Variants in CCDC30 observed in about 807,000 individuals in gnomAD.
CCDC30 encodes the protein coiled-coil domain-containing protein 30.
A neutral mutation model predicts 100.2 loss-of-function variants in CCDC30; 70 were observed. That is an observed-to-expected ratio of 0.70 (90% CI 0.58 to 0.85). The LOEUF (loss-of-function observed/expected upper bound fraction) is 0.85, where lower values mean the gene tolerates loss of function less well. Among genes scored for constraint, CCDC30 ranks in the 40% least tolerant of loss-of-function variants. The pLI is 0.00. For missense variants in CCDC30, 652 were observed against 771.2 expected (o/e 0.85, Z 1.83); for synonymous variants, 233 against 269.5 (o/e 0.86, Z 1.33).
At chr1:42,635,832 C>A (rs892618045) in intron 11 of CCDC30, among the ~76,000 whole-genome samples, 5 of 151,466 alleles carry the variant, frequency 3.3e-5, no homozygotes, top group African/African-American at 1.2e-4. Flanking sequence ...AATGGCAACT[C>A]TATGTTTAAC....
chr1:42,653,870 G>A (rs1648555545), exon 17 of CCDC30: 1 of 1,614,164 alleles, frequency 6.2e-7, no homozygotes, highest in East Asian at 2.2e-5. Context: ...AGAGACTGAA[G>A]AGATCAAGTC....
chr1:42,656,222 T>C (rs1388473168), downstream of CCDC30, among the ~76,000 whole-genome samples: 2 of 152,212 alleles, frequency 1.3e-5, no homozygotes, highest in Admixed American at 6.5e-5. Flanking sequence ...TCTTTGTGCA[T>C]GTAGTTCTTT....
At chr1:42,459,907 T>G, upstream of CCDC30, 2 of 1,607,908 alleles carry the variant, frequency 1.2e-6, no homozygotes, top group Non-Finnish European at 1.7e-6. Context: ...CACACAGCTT[T>G]TATAGGTGAC....
chr1:42,577,819 T>G (rs1304762923), intron 8 of CCDC30, among the ~76,000 whole-genome samples: 1 of 151,994 alleles, frequency 6.6e-6, no homozygotes, highest in African/African-American at 2.4e-5. Context: ...TTTTTGTATT[T>G]TTAGTAGAGA....
At position 42,566,492 on chromosome 1, in the gene CCDC30, A is replaced by C. The variant is rs1314183070; in HGVS notation, c.636+17A>C. 6.2e-7 allele frequency: 1 copy of C among 1,604,476 alleles called. No homozygotes were observed. The highest frequency in any genetic ancestry group is 2.2e-5 in the East Asian group (1 of 44,676). Reference sequence around the variant, plus strand: ...AACATTAAGGTAACTCTTGTGGGCAAATGCTTTATGGAAGGGTTTCAGTTG... The same window carrying C: ...AACATTAAGGTAACTCTTGTGGGCACATGCTTTATGGAAGGGTTTCAGTTG... On this transcript the variant is annotated intron_variant, in intron 7 of 16. Coordinates refer to ENST00000668663, the Ensembl canonical transcript of CCDC30.
chr1:42,507,496 T>G (rs921774267), intron 6 of CCDC30, among the ~76,000 whole-genome samples: 3 of 152,234 alleles, frequency 2.0e-5, no homozygotes, highest in African/African-American at 7.2e-5. Context: ...AGCTTTATCT[T>G]ATCTAATTTA....
chr1:42,459,577 A>C (rs1235662051), upstream of CCDC30: 2 of 1,593,202 alleles, frequency 1.3e-6, no homozygotes, highest in African/African-American at 2.7e-5. Context: ...TTGTTTGCTT[A>C]TTAAGCTTTT....
At chr1:42,522,895 A>C (rs1283806397) in intron 6 of CCDC30, among the ~76,000 whole-genome samples, 1 of 151,754 alleles carries the variant, frequency 6.6e-6, no homozygotes, top group African/African-American at 2.4e-5. Flanking sequence ...TTTTTTTTTG[A>C]GATGGAGTCT....
rs139090983 is a variant in CCDC30 at position 42,473,791 on chromosome 1, A to G, written c.-91-6670A>G. Reference sequence around the variant, plus strand: ...GGCTGATGTATTCTCTTACAGGCACATTATGTGGGAAGCCAACTTTTAATT... The same window carrying G: ...GGCTGATGTATTCTCTTACAGGCACGTTATGTGGGAAGCCAACTTTTAATT... On this transcript the variant is annotated intron_variant, in intron 1 of 16. Coordinates refer to ENST00000668663, the Ensembl canonical transcript of CCDC30. 5.2e-3 allele frequency among the ~76,000 whole-genome samples: 794 copies of G among 152,314 alleles called. 8 individuals carry two copies. Among genetic ancestry groups the G allele is most frequent in the African/African-American group, 0.018 (766 of 41,578 alleles).
chr1:42,639,714 G>A (rs959581609), intron 12 of CCDC30, among the ~76,000 whole-genome samples: 1 of 152,174 alleles, frequency 6.6e-6, no homozygotes, highest in Non-Finnish European at 1.5e-5. Flanking sequence ...ACATACACAA[G>A]GCTTTTGTGA....
At chr1:42,605,462 C>T (rs1646484021) in intron 10 of CCDC30, among the ~76,000 whole-genome samples, 1 of 152,124 alleles carries the variant, frequency 6.6e-6, no homozygotes, top group African/African-American at 2.4e-5. Flanking sequence ...AAGTTTCAGT[C>T]AATCAAAAGA....
intron 6 of CCDC30, among the ~76,000 whole-genome samples, chr1:42,561,360 G>C (rs1441063798): frequency 6.6e-6 from 1 of 152,050 alleles, no homozygotes; most frequent in Non-Finnish European, 1.5e-5. Flanking sequence ...AAAAACACAT[G>C]GTTATCTCAA....
chr1:42,470,773 G>C (rs1643744905), intron 1 of CCDC30, among the ~76,000 whole-genome samples: 1 of 152,164 alleles, frequency 6.6e-6, no homozygotes, highest in Non-Finnish European at 1.5e-5. Flanking sequence ...GAGACAGAAA[G>C]TAGAATAGAG....
At position 42,463,693 on chromosome 1, in the gene CCDC30, G is replaced by A. The variant is rs773206934; in HGVS notation, c.-297G>A. 1 of 152,184 alleles carries A rather than the reference G, an allele frequency of 6.6e-6. No homozygotes were observed. The highest frequency in any genetic ancestry group is 1.5e-5 in the Non-Finnish European group (1 of 68,054). The allele number at this position is 152,184 out of a possible 1,614,324, so 9.4% of individuals were successfully genotyped here. ...GTTCCTTTTCTCACTTAAAGGTGAG[G>A]TGTCGAGACGCGCCCCTGGACAGAC... is the stretch of plus-strand genomic sequence containing the variant. On this transcript the variant is annotated 5_prime_UTR_variant, in exon 1 of 17. The change creates a new upstream start codon in the 5' untranslated region. Transcript: ENST00000668663.
intron 3 of CCDC30, among the ~76,000 whole-genome samples, chr1:42,483,808 A>T (rs1417148715): frequency 6.6e-6 from 1 of 152,222 alleles, no homozygotes; most frequent in East Asian, 1.9e-4. Context: ...ATAAATGCTA[A>T]TATTCATCAA....
chr1:42,456,564 A>G, the CCDC30 span: 4 of 1,473,776 alleles, frequency 2.7e-6, no homozygotes, highest in Non-Finnish European at 3.6e-6. Flanking sequence ...GCTGCGCTGC[A>G]GATGGCGGAA....
chr1:42,604,069 A>G lies in CCDC30; in HGVS notation c.1165-6909A>G, dbSNP rs541867564. On this transcript the variant is annotated intron_variant, in intron 10 of 16. Transcript: ENST00000668663. ...ACCCTGTCTCTCCAATTTTTTTTTA[A>G]TTAGCTGGGTGGTACATGCCTGTAG... Among the ~76,000 whole-genome samples the G allele has an allele frequency of 5.3e-5, 8 of 152,062 alleles. No individual in the cohort carries two copies. The South Asian group carries it at 1.7e-3, about 32-fold the overall frequency.
chr1:42,492,787 C>G (rs533804095), intron 4 of CCDC30, among the ~76,000 whole-genome samples: 9 of 152,110 alleles, frequency 5.9e-5, no homozygotes, highest in African/African-American at 2.2e-4. Flanking sequence ...GCTGGAATTA[C>G]AGGAAACTGC....
At chr1:42,607,164 G>A (rs1273740089) in intron 10 of CCDC30, among the ~76,000 whole-genome samples, 1 of 152,176 alleles carries the variant, frequency 6.6e-6, no homozygotes, top group Non-Finnish European at 1.5e-5. Flanking sequence ...GAGGTGGAAG[G>A]ATCACTTGAG....
Sources: gnomAD v4.1 joint callset for allele counts (sites outside exome capture counted in the v4.1 genomes callset) on GRCh38, gnomAD v4.1.1 for gene constraint, MANE v1.5 for transcripts, NCBI Gene and HGNC (gene_info 2026-07-23, HGNC 2026-07-21) for gene names.